Variants in ZNF423 observed in about 807,000 individuals in gnomAD.
ZNF423 encodes the protein zinc finger protein 423.
Under a neutral mutation model 95.8 loss-of-function variants are expected in ZNF423, and 12 were observed. That is an observed-to-expected ratio of 0.13 (90% CI 0.08 to 0.20). The LOEUF (loss-of-function observed/expected upper bound fraction) is 0.20. Ranked by LOEUF, ZNF423 falls within the 10% of genes least tolerant of loss-of-function variation. The probability of loss-of-function intolerance (pLI) is 1.00; values close to 1 mark genes in which losing one functional copy is unlikely to be tolerated. For synonymous variants in ZNF423, 749 were observed against 711.9 expected (o/e 1.05, Z -0.83); for missense variants, 1,316 against 1,737.1 (o/e 0.76, Z 4.31).
rs1385436512 is a variant in ZNF423 at position 49,815,876 on chromosome 16, AAAAAAATATATATATATATATATAT to A, written c.41-26355_41-26331del. ...CATTCTAATTCCAAACAAACAAAAA[AAAAAAATATATATATATATATATAT>A]ATATATATATATATTTTTTTTTTTT... On this transcript the variant is annotated intron_variant, in intron 1 of 7. Transcript: ENST00000563137. Among the ~76,000 whole-genome samples the A allele has an allele frequency of 1.0e-3, 72 of 72,108 alleles. 1 individual carries two copies. Among genetic ancestry groups the A allele is most frequent in the Middle Eastern group, 0.014 (2 of 142 alleles). 47.3% of individuals were successfully genotyped at this position (72,108 alleles called of 152,430 possible).
At chr16:49,615,130 TCACACACACACACACA>T (rs61428028) in intron 5 of ZNF423, among the ~76,000 whole-genome samples, 5 of 141,154 alleles carry the variant, frequency 3.5e-5, no homozygotes, top group African/African-American at 5.5e-5. Flanking sequence ...AAACTCCATC[TCACACACACACACACA>T]CACACACACA....
intron 5 of ZNF423, among the ~76,000 whole-genome samples, chr16:49,533,047 C>G (rs1054079119): frequency 3.3e-5 from 5 of 152,178 alleles, no homozygotes; most frequent in African/African-American, 1.2e-4. Flanking sequence ...TCGCTACTGA[C>G]CACAGCAAGA....
At chr16:49,615,339 C>T (rs1196086502) in intron 5 of ZNF423, among the ~76,000 whole-genome samples, 1 of 152,120 alleles carries the variant, frequency 6.6e-6, no homozygotes, top group East Asian at 1.9e-4. Context: ...CATACTTCGA[C>T]TAAAAATGTA....
At chr16:49,619,436 CT>C (rs1971984175) in intron 5 of ZNF423, among the ~76,000 whole-genome samples, 1 of 152,138 alleles carries the variant, frequency 6.6e-6, no homozygotes, top group African/African-American at 2.4e-5. Context: ...AAATTCAGAA[CT>C]GATGGATTCT....
chr16:49,694,491 A>G (rs1328629205), intron 3 of ZNF423, among the ~76,000 whole-genome samples: 1 of 152,220 alleles, frequency 6.6e-6, no homozygotes, highest in Non-Finnish European at 1.5e-5. Context: ...TTTTGGCCAC[A>G]TGGTAAAAAC....
intron 3 of ZNF423, among the ~76,000 whole-genome samples, chr16:49,723,212 C>G (rs2032918129): frequency 6.6e-6 from 1 of 152,120 alleles, no homozygotes; most frequent in African/African-American, 2.4e-5. Context: ...GCCTCGGCCT[C>G]CCAATAAATA....
At chr16:49,766,824 C>T (rs2033938139) in intron 2 of ZNF423, among the ~76,000 whole-genome samples, 1 of 152,192 alleles carries the variant, frequency 6.6e-6, no homozygotes, top group African/African-American at 2.4e-5. Flanking sequence ...AAACTAGGAC[C>T]TCTGATCCCA....
chr16:49,766,963 TTTTC>T lies in ZNF423; in HGVS notation c.100+22520_100+22523del, dbSNP rs1487293793. On this transcript the variant is annotated intron_variant, in intron 2 of 7. Transcript: ENST00000563137. ...CCCAGAACCCAATTCTTTTTTTTTCTTTTCTTTCTTTCTTTTTTTTTTTTAGAGG... is the reference window on the plus strand; with the variant it reads ...CCCAGAACCCAATTCTTTTTTTTTCTTTTCTTTCTTTTTTTTTTTTAGAGG... 7.3e-5 allele frequency among the ~76,000 whole-genome samples: 11 copies of T among 151,606 alleles called. 1 individual carries two copies. The Middle Eastern group carries it at 0.01, about 141-fold the overall frequency.
At chr16:49,838,319 T>A (rs1461421399) in intron 1 of ZNF423, among the ~76,000 whole-genome samples, 1 of 152,210 alleles carries the variant, frequency 6.6e-6, no homozygotes, top group Non-Finnish European at 1.5e-5. Flanking sequence ...CCATTTATTT[T>A]ACTTCCCCGT....
intron 3 of ZNF423, among the ~76,000 whole-genome samples, chr16:49,648,783 GAGTATTCAGT>G (rs1308640670): frequency 5.9e-5 from 9 of 152,172 alleles, no homozygotes; most frequent in Non-Finnish European, 1.3e-4. Flanking sequence ...CCAGAGTATT[GAGTATTCAGT>G]CACAACAAAG....
At chr16:49,820,128 G>A (rs976591223) in intron 1 of ZNF423, among the ~76,000 whole-genome samples, 2 of 152,056 alleles carry the variant, frequency 1.3e-5, no homozygotes, top group African/African-American at 4.8e-5. Flanking sequence ...ACAGACGGAC[G>A]GACGGACAGA....
chr16:49,730,860 T>C lies in ZNF423; in HGVS notation c.212A>G (p.Asp71Gly), dbSNP rs779752488. The C allele has an allele frequency of 1.2e-6, 2 of 1,614,178 alleles. No individual in the cohort carries two copies. Among genetic ancestry groups the C allele is most frequent in the East Asian group, 4.5e-5 (2 of 44,878 alleles). Residue 71 changes from aspartate (D) to glycine (G), a missense_variant, in exon 3 of 8, where the codon GAT becomes GGT. Physicochemically the swap from Asp to Gly is moderately conservative, Grantham distance 94 (BLOSUM62 -1). Coordinates refer to ENST00000563137, the MANE Select transcript of ZNF423 (RefSeq NM_001379286.1). ...ERNEDDEDME[D>G]ESIYTCDHCQ... ...GTGATCGCAGGTGTAAATTGATTCA[T>C]CCTCCATGTCTTCATCATCCTCATT...
At chr16:49,650,251 G>A (rs1317360304) in intron 3 of ZNF423, among the ~76,000 whole-genome samples, 1 of 152,196 alleles carries the variant, frequency 6.6e-6, no homozygotes, top group African/African-American at 2.4e-5. Context: ...CAGCCCTGAG[G>A]GACAGCAGAG....
intron 3 of ZNF423, among the ~76,000 whole-genome samples, chr16:49,644,667 A>C (rs1443545022): frequency 1.2e-5 from 1 of 83,950 alleles, no homozygotes; most frequent in South Asian, 5.0e-4. Flanking sequence ...TCAAAAAAAA[A>C]AAAAAAAAAA....
intron 5 of ZNF423, among the ~76,000 whole-genome samples, chr16:49,543,644 G>T (rs1969335137): frequency 1.3e-5 from 2 of 152,212 alleles, no homozygotes; most frequent in African/African-American, 4.8e-5. Flanking sequence ...CGCCTGGCGG[G>T]TGGGCGGGGG....
chr16:49,825,863 C>T lies in ZNF423; in HGVS notation c.40+29872G>A, dbSNP rs148411906. Among the ~76,000 whole-genome samples the T allele has an allele frequency of 5.4e-3, 825 of 152,254 alleles. 7 individuals carry two copies. The highest frequency in any genetic ancestry group is 0.019 in the African/African-American group (785 of 41,548). On this transcript the variant is annotated intron_variant, in intron 1 of 7. Coordinates refer to ENST00000563137, the MANE Select transcript of ZNF423 (RefSeq NM_001379286.1). ...GACACAGGCGGTTCCAGGCCCTTTC[C>T]GAGGGACCAACAAGGTTTCAGAAGA...
At chr16:49,733,454 AT>A (rs963557768) in intron 2 of ZNF423, among the ~76,000 whole-genome samples, 6 of 152,244 alleles carry the variant, frequency 3.9e-5, no homozygotes, top group Admixed American at 3.3e-4. Context: ...ATCACAATGT[AT>A]TTGATCTCTT....
intron 2 of ZNF423, among the ~76,000 whole-genome samples, chr16:49,767,567 T>C (rs2033952532): frequency 6.6e-6 from 1 of 152,152 alleles, no homozygotes; most frequent in Admixed American, 6.5e-5. Context: ...TCATTCACTG[T>C]CATCCACAAC....
intron 3 of ZNF423, among the ~76,000 whole-genome samples, chr16:49,658,573 C>A (rs776214136): frequency 6.6e-6 from 1 of 152,224 alleles, no homozygotes; most frequent in Non-Finnish European, 1.5e-5. Context: ...CAGCCCTGCC[C>A]GTGATGGGCA....
Sources: gnomAD v4.1 joint callset for allele counts (sites outside exome capture counted in the v4.1 genomes callset) on GRCh38, gnomAD v4.1.1 for gene constraint, MANE v1.5 for transcripts, NCBI Gene and HGNC (gene_info 2026-07-23, HGNC 2026-07-21) for gene names.